The following ZFHX3 variants were observed in gnomAD, a reference collection of about 807,000 sequenced individuals.
The protein encoded by ZFHX3 is zinc finger homeobox 3, also known as zinc finger homeobox protein 3.
In ZFHX3, 42 loss-of-function variants were observed where a neutral mutation model predicts 279.1. The observed-to-expected ratio is 0.15, with a 90% CI of 0.12 to 0.19. ZFHX3 has a LOEUF of 0.19. Among genes scored for constraint, ZFHX3 ranks in the 10% least tolerant of loss-of-function variants. The pLI, the probability that ZFHX3 is intolerant of heterozygous loss-of-function variation, is 1.00. For missense variants in ZFHX3, 4,981 were observed against 4,754.0 expected (o/e 1.05, Z -1.40); for synonymous variants, 2,293 against 1,957.8 (o/e 1.17, Z -4.52).
At chr16:73,319,639 T>TG (rs2015532033) in intron 3 of ZFHX3, among the ~76,000 whole-genome samples, 2 of 148,896 alleles carry the variant, frequency 1.3e-5, no homozygotes, top group African/African-American at 5.0e-5. Context: ...TGGCAGAGAG[T>TG]GGGGGTGGGG....
intron 5 of ZFHX3, among the ~76,000 whole-genome samples, chr16:73,203,276 G>T (rs1008225245): frequency 6.6e-6 from 1 of 152,158 alleles, no homozygotes; most frequent in Non-Finnish European, 1.5e-5. Flanking sequence ...AGAGATAAAT[G>T]GCTGGAAGGA....
chr16:73,407,306 G>A (rs542366650), intron 3 of ZFHX3, among the ~76,000 whole-genome samples: 6 of 152,256 alleles, frequency 3.9e-5, no homozygotes, highest in Admixed American at 6.5e-5. Flanking sequence ...ATGACAGTTC[G>A]GCTGTGTACA....
intron 1 of ZFHX3, among the ~76,000 whole-genome samples, chr16:73,798,393 ATG>A (rs1187797326): frequency 6.6e-6 from 1 of 151,992 alleles, no homozygotes; most frequent in Non-Finnish European, 1.5e-5. Flanking sequence ...CTAAGCTGAA[ATG>A]CATTTAAAAC....
At chr16:73,730,102 A>G (rs2053556094) in intron 1 of ZFHX3, among the ~76,000 whole-genome samples, 1 of 152,128 alleles carries the variant, frequency 6.6e-6, no homozygotes, top group African/African-American at 2.4e-5. Flanking sequence ...ACTCTTCTAC[A>G]TGGTTAACAG....
chr16:72,878,739 G>A (rs916584024), intron 4 of ZFHX3, among the ~76,000 whole-genome samples: 1 of 152,150 alleles, frequency 6.6e-6, no homozygotes, highest in South Asian at 2.1e-4. Flanking sequence ...AAGGAGGCCA[G>A]ACGCAGTGGG....
At chr16:73,225,654 G>A (rs575911298) in intron 5 of ZFHX3, among the ~76,000 whole-genome samples, 47 of 152,180 alleles carry the variant, frequency 3.1e-4, no homozygotes, top group Middle Eastern at 6.8e-3. Context: ...GGGCATATCC[G>A]CCACAAGCTG....
chr16:73,476,387 T>C (rs943670167), intron 2 of ZFHX3, among the ~76,000 whole-genome samples: 3 of 152,154 alleles, frequency 2.0e-5, no homozygotes, highest in Admixed American at 6.5e-5. Context: ...TGTAGGTTGA[T>C]TTACAAAGAA....
intron 2 of ZFHX3, among the ~76,000 whole-genome samples, chr16:73,586,389 AAAAC>A (rs145424169): frequency 0.58 from 85,470 of 146,452 alleles, 26,939 homozygotes; most frequent in East Asian, 0.89. Flanking sequence ...ACTCTATCTC[AAAAC>A]AAACAAACAA....
At chr16:73,818,778 T>A (rs1364225799) in intron 1 of ZFHX3, among the ~76,000 whole-genome samples, 1 of 152,176 alleles carries the variant, frequency 6.6e-6, no homozygotes, top group South Asian at 2.1e-4. Flanking sequence ...CAAACTTAAA[T>A]TGCTCACAGT....
chr16:73,077,194 T>C (rs1174572573), intron 8 of ZFHX3, among the ~76,000 whole-genome samples: 2 of 152,166 alleles, frequency 1.3e-5, no homozygotes, highest in African/African-American at 4.8e-5. Flanking sequence ...TCAAGCATCT[T>C]GCTAAATAAA....
intron 3 of ZFHX3, among the ~76,000 whole-genome samples, chr16:73,345,548 A>C (rs2016108093): frequency 6.6e-6 from 1 of 152,084 alleles, no homozygotes; most frequent in South Asian, 2.1e-4. Flanking sequence ...AGCTCCATCC[A>C]TGTCCCTGCG....
chr16:72,879,997 G>A (rs1303222364), intron 4 of ZFHX3, among the ~76,000 whole-genome samples: 1 of 152,190 alleles, frequency 6.6e-6, no homozygotes, highest in East Asian at 1.9e-4. Flanking sequence ...GTCCTAACAA[G>A]TGTCTTTGAG....
intron 2 of ZFHX3, among the ~76,000 whole-genome samples, chr16:73,593,426 C>T (rs1383824936): frequency 6.6e-6 from 1 of 152,044 alleles, no homozygotes; most frequent in African/African-American, 2.4e-5. Flanking sequence ...ATGTCATAAC[C>T]AAACAGGTTT....
At chr16:72,953,298 GA>G (rs11369582) in intron 2 of ZFHX3, among the ~76,000 whole-genome samples, 5,953 of 138,010 alleles carry the variant, frequency 0.043, 154 homozygotes, top group South Asian at 0.075. Context: ...AAAGGAAAAA[GA>G]AAAAAAAAAA....
At chr16:73,778,720 A>G (rs200506855) in intron 1 of ZFHX3, among the ~76,000 whole-genome samples, 1 of 152,200 alleles carries the variant, frequency 6.6e-6, no homozygotes, top group African/African-American at 2.4e-5. Context: ...TTGCCTTCCA[A>G]GAGCTTACAG....
intron 1 of ZFHX3, among the ~76,000 whole-genome samples, chr16:73,042,197 G>A (rs1311043495): frequency 6.6e-6 from 1 of 152,152 alleles, no homozygotes; most frequent in East Asian, 1.9e-4. Flanking sequence ...ACTTTTTCAG[G>A]GGATGCAGGG....
chr16:73,069,035 C>T (rs1192879398), intron 8 of ZFHX3, among the ~76,000 whole-genome samples: 1 of 152,170 alleles, frequency 6.6e-6, no homozygotes, highest in Non-Finnish European at 1.5e-5. Context: ...GCTGATCACT[C>T]CTCGCCGTGC....
chr16:73,194,170 CTTTTT>C (rs1481719334), intron 5 of ZFHX3, among the ~76,000 whole-genome samples: 1 of 152,072 alleles, frequency 6.6e-6, no homozygotes, highest in Admixed American at 6.6e-5. Context: ...TTAGGAACTT[CTTTTT>C]TATTTTATTT....
chr16:72,985,066 T>A (rs1962788639), intron 1 of ZFHX3, among the ~76,000 whole-genome samples: 1 of 152,144 alleles, frequency 6.6e-6, no homozygotes, highest in Non-Finnish European at 1.5e-5. Flanking sequence ...ACAGGCAAGA[T>A]CTTGTCCCAA....
Sources: allele counts gnomAD v4.1 joint callset (sites outside exome capture counted in the v4.1 genomes callset), GRCh38; gene constraint gnomAD v4.1.1; transcripts MANE v1.5; gene names NCBI Gene and HGNC (gene_info 2026-07-23, HGNC 2026-07-21).